The following RARB variants were observed in gnomAD, a reference collection of about 807,000 sequenced individuals.
RARB encodes the protein retinoic acid receptor beta.
Under a neutral mutation model 51.9 loss-of-function variants are expected in RARB, and 17 were observed. The ratio of observed to expected loss-of-function variants is 0.33; its 90% CI spans 0.22 to 0.49. RARB has a LOEUF of 0.49. Ranked by LOEUF, RARB falls within the 20% of genes least tolerant of loss-of-function variation. The pLI, the probability that RARB is intolerant of heterozygous loss-of-function variation, is 0.99. For synonymous variants in RARB, 215 were observed against 195.4 expected (o/e 1.10, Z -0.84); for missense variants, 369 against 550.8 (o/e 0.67, Z 3.30).
rs1700629871 is a variant in RARB, at chr3:25,569,569, GCT to G, written c.449-184_449-183del. ...ATGCATATACAGAAAGACAAACCTA[GCT>G]CTCTGCCGGGGTCCCGCGGCTGCCA... On this transcript the variant is annotated intron_variant, in intron 3 of 7. Coordinates refer to ENST00000330688, the MANE Select transcript of RARB (RefSeq NM_000965.5). 3.3e-5 allele frequency among the ~76,000 whole-genome samples: 5 copies of G among 152,218 alleles called. No individual in the cohort carries two copies. In the South Asian group the frequency reaches 1.0e-3, roughly 32 times the overall value.
At chr3:25,431,696 T>C (rs956120148) in intron 1 of RARB, among the ~76,000 whole-genome samples, 3 of 152,152 alleles carry the variant, frequency 2.0e-5, no homozygotes, top group Admixed American at 6.5e-5. Context: ...TTGGCCTTTT[T>C]CCCTGTCTTT....
At chr3:24,961,126 AC>A (rs1696130969) in intron 2 of RARB, among the ~76,000 whole-genome samples, 1 of 152,268 alleles carries the variant, frequency 6.6e-6, no homozygotes, top group African/African-American at 2.4e-5. Flanking sequence ...ATTATAAGTT[AC>A]TTTGCTATTA....
chr3:25,539,024 G>A (rs1699256049), intron 3 of RARB, among the ~76,000 whole-genome samples: 2 of 152,180 alleles, frequency 1.3e-5, no homozygotes, highest in Non-Finnish European at 1.5e-5. Context: ...GTTTCTTTGT[G>A]TATAATTAAC....
At chr3:24,953,434 A>G (rs1411604941) in intron 2 of RARB, among the ~76,000 whole-genome samples, 1 of 152,212 alleles carries the variant, frequency 6.6e-6, no homozygotes, top group African/African-American at 2.4e-5. Flanking sequence ...CTCACTTAGT[A>G]CCCCTGAGCA....
rs952848547 is a variant in RARB, at chr3:25,512,035, C to T, written c.448+10712C>T. ...GTGTGATCTTGGGCAGGTCACTTAACATCTGTGTACACCAAGTTGCTTGTC... is the reference window on the plus strand; with the variant it reads ...GTGTGATCTTGGGCAGGTCACTTAATATCTGTGTACACCAAGTTGCTTGTC... On this transcript the variant is annotated intron_variant, in intron 3 of 7. Coordinates refer to ENST00000330688, the MANE Select transcript of RARB (RefSeq NM_000965.5). Among the ~76,000 whole-genome samples the T allele has an allele frequency of 5.3e-5, 8 of 152,182 alleles. No homozygotes were observed. The South Asian group carries it at 1.2e-3, about 24-fold the overall frequency.
At chr3:25,383,663 C>T (rs1437764013) in intron 5 of RARB, among the ~76,000 whole-genome samples, 1 of 152,134 alleles carries the variant, frequency 6.6e-6, no homozygotes, top group Non-Finnish European at 1.5e-5. Context: ...CACGGTGGCT[C>T]ACGCCTGTAA....
intron 5 of RARB, among the ~76,000 whole-genome samples, chr3:25,591,439 A>G (rs1575548346): frequency 6.6e-6 from 1 of 152,280 alleles, no homozygotes; most frequent in Non-Finnish European, 1.5e-5. Context: ...AGATTATCTA[A>G]CCTTAGAGAG....
intron 2 of RARB, among the ~76,000 whole-genome samples, chr3:24,885,216 C>A (rs1317408325): frequency 6.6e-6 from 1 of 151,960 alleles, no homozygotes; most frequent in African/African-American, 2.4e-5. Flanking sequence ...CAAGTAGGAT[C>A]AAGTATGAGA....
chr3:25,095,294 G>T (rs1238080884), intron 3 of RARB, among the ~76,000 whole-genome samples: 1 of 152,182 alleles, frequency 6.6e-6, no homozygotes, highest in Non-Finnish European at 1.5e-5. Flanking sequence ...TCTTTCAAGA[G>T]AATAGGTTTG....
At chr3:24,872,760 G>T (rs1046310093) in intron 2 of RARB, among the ~76,000 whole-genome samples, 1 of 152,134 alleles carries the variant, frequency 6.6e-6, no homozygotes, top group Admixed American at 6.6e-5. Flanking sequence ...TAACACTGGG[G>T]ATCACATTTC....
chr3:24,988,384 A>G (rs1482557950), intron 2 of RARB, among the ~76,000 whole-genome samples: 1 of 152,170 alleles, frequency 6.6e-6, no homozygotes, highest in Non-Finnish European at 1.5e-5. Context: ...AAATACTTCA[A>G]ATATATTACA....
chr3:25,261,113 C>T (rs1702986839), intron 5 of RARB, among the ~76,000 whole-genome samples: 1 of 152,040 alleles, frequency 6.6e-6, no homozygotes, highest in East Asian at 1.9e-4. Flanking sequence ...GTAGGGAGTA[C>T]ATGTTCTACA....
At chr3:25,051,811 C>T (rs990807279) in intron 2 of RARB, among the ~76,000 whole-genome samples, 2 of 152,052 alleles carry the variant, frequency 1.3e-5, no homozygotes, top group African/African-American at 4.8e-5. Flanking sequence ...AGATGAGAAA[C>T]TACTTCTATG....
intron 2 of RARB, among the ~76,000 whole-genome samples, chr3:24,876,675 T>G (rs772522328): frequency 2.0e-5 from 3 of 152,162 alleles, no homozygotes; most frequent in Non-Finnish European, 4.4e-5. Context: ...TAATGCAATT[T>G]TATAAATGTG....
At chr3:24,875,293 C>T (rs1169976450) in intron 2 of RARB, among the ~76,000 whole-genome samples, 1 of 152,126 alleles carries the variant, frequency 6.6e-6, no homozygotes, top group East Asian at 1.9e-4. Flanking sequence ...GGCTTAAATA[C>T]TTCAGTAACT....
chr3:25,417,020 T>C (rs1373650417), intron 5 of RARB, among the ~76,000 whole-genome samples: 2 of 152,162 alleles, frequency 1.3e-5, no homozygotes, highest in Non-Finnish European at 2.9e-5. Context: ...CAACTTCATA[T>C]ATTTGAAGAC....
rs914467625 is a variant in RARB at position 24,909,710 on chromosome 3, C to T, written c.-380+50958C>T. Among the ~76,000 whole-genome samples the T allele has an allele frequency of 3.9e-5, 6 of 152,128 alleles. No homozygotes were observed. In the East Asian group the frequency reaches 5.8e-4, roughly 15 times the overall value. On this transcript the variant is annotated intron_variant, in intron 2 of 11. Coordinates refer to the RARB transcript ENST00000383772. ...CTAGGGATTCATCCTGTCTTTTAAC[C>T]GTGATGGATTTTTAAGATGATTCTT...
rs60292267 is a variant in RARB at position 24,970,574 on chromosome 3, A to AACACACACACACACACACACAC, written c.-379-89541_-379-89520dup. Among the ~76,000 whole-genome samples the AACACACACACACACACACACAC allele has an allele frequency of 5.9e-4, 88 of 148,872 alleles. 1 individual carries two copies. Among genetic ancestry groups the AACACACACACACACACACACAC allele is most frequent in the Middle Eastern group, 3.5e-3 (1 of 288 alleles). On this transcript the variant is annotated intron_variant, in intron 2 of 11. Coordinates refer to the RARB transcript ENST00000383772. Reference sequence around the variant, plus strand: ...TAAATAAATTCCACCAAGTCATGTAAACACACACACACACACACACACACA... The same window carrying AACACACACACACACACACACAC: ...TAAATAAATTCCACCAAGTCATGTAAACACACACACACACACACACACACACACACACACACACACACACACA...
intron 2 of RARB, among the ~76,000 whole-genome samples, chr3:25,043,135 C>A (rs1304567840): frequency 6.6e-6 from 1 of 152,160 alleles, no homozygotes. Flanking sequence ...CTCCCTAGAA[C>A]CTGATCACTT....
Sources: gnomAD v4.1 joint callset for allele counts (sites outside exome capture counted in the v4.1 genomes callset) on GRCh38, gnomAD v4.1.1 for gene constraint, MANE v1.5 for transcripts, NCBI Gene and HGNC (gene_info 2026-07-23, HGNC 2026-07-21) for gene names.